Variants in RALGAPA1 observed in about 807,000 individuals in gnomAD.
RALGAPA1 encodes the protein Ral GTPase activating protein catalytic subunit alpha 1.
A neutral mutation model predicts 269.6 loss-of-function variants in RALGAPA1; 52 were observed. The ratio of observed to expected loss-of-function variants is 0.19; its 90% CI spans 0.15 to 0.24. The LOEUF is 0.24. RALGAPA1 is among the 10% of genes least tolerant of loss of function. The pLI is 1.00. For synonymous variants in RALGAPA1, 817 were observed against 1,008.3 expected, an observed-to-expected ratio of 0.81 and a Z score of 3.60; for missense variants, 1,917 against 3,013.9, an observed-to-expected ratio of 0.64 and a Z score of 8.52.
chr14:35,736,901 T>C (rs997292043), intron 12 of RALGAPA1, among the ~76,000 whole-genome samples: 1 of 152,060 alleles, frequency 6.6e-6, no homozygotes, highest in Non-Finnish European at 1.5e-5. Context: ...CCAGGCATGG[T>C]GGCGTGTGCC....
rs535512005 is a variant in RALGAPA1 at position 35,550,157 on chromosome 14, C to T, written c.7497-923G>A. Reference sequence around the variant, plus strand: ...ATATTTCTGTTGTTCACGAAAGCAACTATGGAAATGGCTGTCAAAATGTAG... The same window carrying T: ...ATATTTCTGTTGTTCACGAAAGCAATTATGGAAATGGCTGTCAAAATGTAG... On this transcript the variant is annotated intron_variant, in intron 39 of 41. Coordinates refer to ENST00000680220, the MANE Select transcript of RALGAPA1 (RefSeq NM_001346249.2). Among the ~76,000 whole-genome samples, 8 of 152,292 alleles carry T rather than the reference C, an allele frequency of 5.3e-5. No homozygotes were observed. The South Asian group carries it at 1.7e-3, about 32-fold the overall frequency.
Position 35,678,044 on chromosome 14 carries a change from G to A in RALGAPA1, c.4530C>T (p.Ser1510=), listed in dbSNP as rs1256731470. 6.2e-7 allele frequency: 1 copy of A among 1,611,642 alleles called. No individual in the cohort carries two copies. The highest frequency in any genetic ancestry group is 8.5e-7 in the Non-Finnish European group (1 of 1,179,476). Residue 1510 remains serine, a synonymous_variant, in exon 22 of 42, where the codon TCC becomes TCT. Coordinates refer to ENST00000680220, the MANE Select transcript of RALGAPA1 (RefSeq NM_001346249.2). The stretch of plus-strand genomic sequence containing the variant: ...TGTGATCTATATTCAATGTAGAAGG[G>A]GAAGGAGTCTGTGACCTGGAGCCCA... The part of the protein sequence containing the change: ...SPLGSRSQTP[S]PSTLNIDHME...
intron 21 of RALGAPA1, among the ~76,000 whole-genome samples, chr14:35,678,912 G>C (rs2065183053): frequency 6.6e-6 from 1 of 152,100 alleles, no homozygotes; most frequent in Admixed American, 6.6e-5. Flanking sequence ...TATGATTACA[G>C]AGTCTCTGCT....
intron 1 of RALGAPA1, among the ~76,000 whole-genome samples, chr14:35,797,439 TAAAG>T (rs1470686936): frequency 1.4e-5 from 2 of 145,144 alleles, no homozygotes; most frequent in East Asian, 4.1e-4. Flanking sequence ...GGAAGAGGAA[TAAAG>T]AAAGGTTGGT....
At position 35,750,568 on chromosome 14, in the gene RALGAPA1, G is replaced by T; in HGVS notation, c.925C>A (p.Leu309Met). 6.2e-7 allele frequency: 1 copy of T among 1,613,028 alleles called. No individual in the cohort carries two copies. The highest frequency in any genetic ancestry group is 8.5e-7 in the Non-Finnish European group (1 of 1,179,310). Reference protein sequence around the residue: ...IKARVIVIRWLVSFWLEPKPH... With the variant: ...IKARVIVIRWMVSFWLEPKPH... ...TTTGGCTCCAGCCAGAAAGAAACCA[G>T]CCAACGAATGACAATAACACGAGCC... Residue 309 changes from leucine (L) to methionine (M), a missense_variant, in exon 9 of 42, where the codon CTG (leucine) becomes ATG (methionine). By Grantham distance (15) the Leu-to-Met change is conservative (BLOSUM62 2). Coordinates refer to ENST00000680220, the MANE Select transcript of RALGAPA1 (RefSeq NM_001346249.2).
chr14:35,708,468 G>A (rs1029167752), intron 16 of RALGAPA1, among the ~76,000 whole-genome samples: 5 of 152,052 alleles, frequency 3.3e-5, no homozygotes, highest in Non-Finnish European at 5.9e-5. Context: ...CTCAAGAGAC[G>A]ACATACAAAT....
intron 21 of RALGAPA1, among the ~76,000 whole-genome samples, chr14:35,678,444 G>A (rs570184072): frequency 6.6e-6 from 1 of 152,140 alleles, no homozygotes; most frequent in East Asian, 1.9e-4. Context: ...CAGACTTGGG[G>A]CAATTTAAGA....
intron 10 of RALGAPA1, among the ~76,000 whole-genome samples, chr14:35,742,828 T>C (rs1157842673): frequency 2.0e-5 from 3 of 149,398 alleles, no homozygotes; most frequent in African/African-American, 4.9e-5. Flanking sequence ...TATTAAACAC[T>C]GAAATAAATG....
At chr14:35,696,912 C>T (rs1333407805) in intron 17 of RALGAPA1, among the ~76,000 whole-genome samples, 1 of 152,188 alleles carries the variant, frequency 6.6e-6, no homozygotes, top group African/African-American at 2.4e-5. Context: ...TAATTCTCTG[C>T]ACATTAAACT....
At chr14:35,696,664 AG>A (rs2066926401) in intron 17 of RALGAPA1, among the ~76,000 whole-genome samples, 1 of 152,014 alleles carries the variant, frequency 6.6e-6, no homozygotes, top group Admixed American at 6.5e-5. Context: ...CAAAAGTATC[AG>A]ATAAATATTT....
intron 10 of RALGAPA1, among the ~76,000 whole-genome samples, chr14:35,743,873 C>T (rs553601617): frequency 5.7e-4 from 86 of 151,948 alleles, no homozygotes; most frequent in Non-Finnish European, 7.4e-4. Context: ...CATTGTTATT[C>T]TTTTCTTCCA....
intron 26 of RALGAPA1, among the ~76,000 whole-genome samples, chr14:35,667,356 C>T (rs2064028393): frequency 6.6e-6 from 1 of 152,140 alleles, no homozygotes; most frequent in African/African-American, 2.4e-5. Context: ...TGAGATCGTG[C>T]CACTGAACTC....
rs762550302 is a variant in RALGAPA1, at chr14:35,728,528, A to G, written c.1588-18T>C. The G allele has an allele frequency of 1.9e-6, 3 of 1,573,864 alleles. No homozygotes were observed. The highest frequency in any genetic ancestry group is 1.9e-5 in the Admixed American group (1 of 51,686). The stretch of plus-strand genomic sequence containing the variant: ...ATAAACACCTAAGACAAAAGAAATC[A>G]TTAGCTATTCACAAAGGAATTTCAA... On this transcript the variant is annotated intron_variant, in intron 12 of 41. Transcript: ENST00000680220.
intron 17 of RALGAPA1, among the ~76,000 whole-genome samples, chr14:35,693,524 T>C (rs1229065742): frequency 6.6e-6 from 1 of 151,880 alleles, no homozygotes; most frequent in Non-Finnish European, 1.5e-5. Flanking sequence ...TGTGTCCTCT[T>C]ACTCTCCCAG....
chr14:35,648,852 A>T (rs748370591), intron 31 of RALGAPA1, among the ~76,000 whole-genome samples: 3 of 152,018 alleles, frequency 2.0e-5, no homozygotes, highest in Non-Finnish European at 4.4e-5. Context: ...GGATGATTTG[A>T]TTGTCTTCTA....
chr14:35,697,619 G>A (rs1241536635), intron 17 of RALGAPA1, among the ~76,000 whole-genome samples: 2 of 151,480 alleles, frequency 1.3e-5, no homozygotes, highest in Non-Finnish European at 2.9e-5. Context: ...GTTGCTGGGG[G>A]TACAGGTGTG....
chr14:35,659,009 T>C, intron 28 of RALGAPA1, 129 bp downstream of exon 28: 1 of 479,744 alleles, frequency 2.1e-6, no homozygotes, highest in Non-Finnish European at 3.6e-6. Flanking sequence ...ATTATTCAAG[T>C]AACTTAAAAT....
At chr14:35,581,236 A>C (rs1433195291) in intron 37 of RALGAPA1, among the ~76,000 whole-genome samples, 1 of 152,206 alleles carries the variant, frequency 6.6e-6, no homozygotes, top group South Asian at 2.1e-4. Context: ...CCTGCTACTT[A>C]GAAAAATCTT....
intron 31 of RALGAPA1, among the ~76,000 whole-genome samples, chr14:35,650,614 C>T (rs1262289801): frequency 6.6e-6 from 1 of 152,114 alleles, no homozygotes; most frequent in African/African-American, 2.4e-5. Context: ...ATGAAAGCCT[C>T]ATGTATGCCA....
Sources: gnomAD v4.1 joint callset for allele counts (sites outside exome capture counted in the v4.1 genomes callset) on GRCh38, gnomAD v4.1.1 for gene constraint, MANE v1.5 for transcripts, NCBI Gene and HGNC (gene_info 2026-07-23, HGNC 2026-07-21) for gene names.